The following NT5C2 variants were observed in gnomAD, a reference collection of about 807,000 sequenced individuals.
NT5C2 encodes the protein 5'-nucleotidase, cytosolic II.
A neutral mutation model predicts 76.1 loss-of-function variants in NT5C2; 58 were observed. The observed-to-expected ratio is 0.76, with a 90% CI of 0.62 to 0.95. The LOEUF (loss-of-function observed/expected upper bound fraction) is 0.95, where lower values mean the gene tolerates loss of function less well. Among genes scored for constraint, NT5C2 ranks in the 40% least tolerant of loss-of-function variants. The pLI is 0.00. For synonymous variants in NT5C2, 229 were observed against 237.4 expected (o/e 0.96, Z 0.32); for missense variants, 478 against 690.3 (o/e 0.69, Z 3.45).
At chr10:103,167,041 A>C (rs1208826335) in intron 3 of NT5C2, among the ~76,000 whole-genome samples, 4 of 146,928 alleles carry the variant, frequency 2.7e-5, no homozygotes, top group Admixed American at 6.8e-5. Flanking sequence ...TTCTTGAGAC[A>C]GTCTCGCTCT....
rs1644378609 is a variant in NT5C2, at chr10:103,093,511, C to T, written c.989-202G>A. Among the ~76,000 whole-genome samples, 2 of 152,214 alleles carry T rather than the reference C, an allele frequency of 1.3e-5. 1 individual carries two copies. Among genetic ancestry groups the T allele is most frequent in the African/African-American group, 4.8e-5 (2 of 41,446 alleles). ...TCCACTGTGCTGACCAGAGCTCTTG[C>T]TCACCAAATCCAAGAGCAACAAAAC... On this transcript the variant is annotated intron_variant, in intron 14 of 18. Transcript: ENST00000404739.
intron 3 of NT5C2, among the ~76,000 whole-genome samples, chr10:103,151,637 C>T (rs562609378): frequency 6.6e-6 from 1 of 152,210 alleles, no homozygotes; most frequent in South Asian, 2.1e-4. Flanking sequence ...TTACATAAAG[C>T]TCAAGTATAA....
At chr10:103,147,337 G>GT (rs1221945903) in intron 3 of NT5C2, among the ~76,000 whole-genome samples, 1 of 152,342 alleles carries the variant, frequency 6.6e-6, no homozygotes, top group African/African-American at 2.4e-5. Context: ...AGTAATCAAA[G>GT]TGAGCTACTT....
intron 3 of NT5C2, chr10:103,153,773 T>C: frequency 1.0e-6 from 1 of 978,684 alleles, no homozygotes; most frequent in Non-Finnish European, 1.2e-6. Context: ...ACAGGATAAA[T>C]AATTTTATGT....
intron 3 of NT5C2, among the ~76,000 whole-genome samples, chr10:103,167,438 G>A (rs959025926): frequency 6.6e-6 from 1 of 151,994 alleles, no homozygotes; most frequent in Non-Finnish European, 1.5e-5. Flanking sequence ...CTGAATATTT[G>A]AACCAATACT....
At chr10:103,146,183 G>C in intron 3 of NT5C2, 1 of 985,360 alleles carries the variant, frequency 1.0e-6, no homozygotes, top group Non-Finnish European at 1.2e-6. Context: ...CCCCTCAAAA[G>C]CATGTATCTT....
intron 6 of NT5C2, among the ~76,000 whole-genome samples, chr10:103,103,872 G>A (rs764428500): frequency 1.1e-4 from 17 of 150,862 alleles, no homozygotes; most frequent in Non-Finnish European, 1.9e-4. Context: ...TTATTTTTTT[G>A]AGATAGGGTC....
At chr10:103,162,218 G>A (rs1020815472) in intron 3 of NT5C2, among the ~76,000 whole-genome samples, 4 of 152,034 alleles carry the variant, frequency 2.6e-5, no homozygotes, top group African/African-American at 9.7e-5. Context: ...GTTTCACCAT[G>A]TTGGCCAGGA....
intron 4 of NT5C2, among the ~76,000 whole-genome samples, chr10:103,129,105 T>C (rs1460683030): frequency 4.0e-5 from 4 of 99,076 alleles, no homozygotes; most frequent in East Asian, 8.2e-4. Flanking sequence ...TGGCCAGCCG[T>C]GCCGTCCGGG....
chr10:103,144,546 T>C (rs2081156142), intron 3 of NT5C2, among the ~76,000 whole-genome samples: 1 of 152,228 alleles, frequency 6.6e-6, no homozygotes, highest in East Asian at 1.9e-4. Flanking sequence ...ATGTATATTT[T>C]TAAGGATTCA....
chr10:103,125,297 A>G (rs1214149688), intron 4 of NT5C2: 1 of 147,532 alleles, frequency 6.8e-6, no homozygotes, highest in South Asian at 1.8e-4. Context: ...TGTCACAGTT[A>G]AAAAAAAAAA....
chr10:103,146,532 A>T (rs2081512950), intron 3 of NT5C2: 1 of 644,598 alleles, frequency 1.6e-6, no homozygotes, highest in Non-Finnish European at 1.9e-6. Context: ...TGAACTAAAA[A>T]GTATGTGTCT....
At chr10:103,193,073 C>T (rs1244760767) in intron 1 of NT5C2, among the ~76,000 whole-genome samples, 163 bp downstream of exon 1, 105 of 148,976 alleles carry the variant, frequency 7.0e-4, no homozygotes, top group Admixed American at 1.0e-3. Flanking sequence ...GGCGGGGACT[C>T]GGCCTAAGGA....
intron 11 of NT5C2, 57 bp downstream of exon 11, chr10:103,097,234 G>T: frequency 7.8e-7 from 1 of 1,283,826 alleles, no homozygotes; most frequent in Non-Finnish European, 1.1e-6. Flanking sequence ...TGTCTTCACA[G>T]TTCTTTAGGC....
At chr10:103,125,401 C>CGAAAA in intron 4 of NT5C2, 1 of 273,828 alleles carries the variant, frequency 3.7e-6, no homozygotes, top group Non-Finnish European at 7.0e-6. Flanking sequence ...TCAGCCAAGT[C>CGAAAA]GTTCATGTGC....
chr10:103,173,340 A>G (rs1400061229), intron 3 of NT5C2, among the ~76,000 whole-genome samples: 3 of 151,038 alleles, frequency 2.0e-5, no homozygotes, highest in Admixed American at 6.6e-5. Context: ...ATTCTTGGCC[A>G]GGCGCGGTGG....
chr10:103,179,475 G>A (rs12240508), intron 2 of NT5C2, among the ~76,000 whole-genome samples: 22,804 of 151,692 alleles, frequency 0.15, 1,779 homozygotes, highest in Middle Eastern at 0.23. Flanking sequence ...AACAGCAACT[G>A]CATATACACA....
chr10:103,093,792 T>C (rs940293891), intron 14 of NT5C2, 180 bp downstream of exon 14: 8 of 548,222 alleles, frequency 1.5e-5, no homozygotes, highest in Middle Eastern at 4.2e-4. Flanking sequence ...CATTAGGATA[T>C]ACTAACAACT....
intron 3 of NT5C2, among the ~76,000 whole-genome samples, chr10:103,166,787 G>A (rs1020071662): frequency 6.6e-6 from 1 of 152,052 alleles, no homozygotes; most frequent in Non-Finnish European, 1.5e-5. Flanking sequence ...CCAGTAGCTA[G>A]GACGACAGGT....
Sources: allele counts gnomAD v4.1 joint callset (sites outside exome capture counted in the v4.1 genomes callset), GRCh38; gene constraint gnomAD v4.1.1; transcripts MANE v1.5; gene names NCBI Gene and HGNC (gene_info 2026-07-23, HGNC 2026-07-21).